Variants in PBX1 observed in about 807,000 individuals in gnomAD.
PBX1 encodes pre-B-cell leukemia transcription factor 1.
In PBX1, 6 loss-of-function variants were observed where a neutral mutation model predicts 53.4. The ratio of observed to expected loss-of-function variants is 0.11; its 90% CI spans 0.06 to 0.22. PBX1 has a LOEUF of 0.22. Ranked by LOEUF, PBX1 falls within the 10% of genes least tolerant of loss-of-function variation. The probability of loss-of-function intolerance (pLI) is 1.00; values close to 1 mark genes in which losing one functional copy is unlikely to be tolerated. For synonymous variants in PBX1, 204 were observed against 212.3 expected (o/e 0.96, Z 0.34); for missense variants, 251 against 551.4 (o/e 0.46, Z 5.46).
chr1:164,754,596 A>G (rs1286318988), intron 2 of PBX1, among the ~76,000 whole-genome samples: 1 of 152,208 alleles, frequency 6.6e-6, no homozygotes, highest in Non-Finnish European at 1.5e-5. Flanking sequence ...TGTAAGGAGA[A>G]GGGGTTACCC....
At chr1:164,883,198 T>A (rs1672702762) in intron 2 of PBX1, among the ~76,000 whole-genome samples, 1 of 152,250 alleles carries the variant, frequency 6.6e-6, no homozygotes, top group East Asian at 1.9e-4. Context: ...AGGCCATCAG[T>A]GTTCAGGTAC....
intron 2 of PBX1, among the ~76,000 whole-genome samples, chr1:164,581,468 C>T (rs957932509): frequency 2.6e-5 from 4 of 152,088 alleles, no homozygotes; most frequent in East Asian, 3.9e-4. Flanking sequence ...CCTTGTGATC[C>T]GCCTGCCTCG....
Position 164,846,881 on chromosome 1 carries a change from G to A in PBX1, c.*205G>A. On this transcript the variant is annotated 3_prime_UTR_variant, in exon 9 of 9. Transcript: ENST00000420696. ...TTATACTCTCTTCCCTTTTTTTTCT[G>A]GGTAGAAGCCACCCTTCCCTGCCTC... is the stretch of plus-strand genomic sequence containing the variant. 1 of 1,393,952 alleles carries A rather than the reference G, an allele frequency of 7.2e-7. No individual in the cohort carries two copies. Among genetic ancestry groups the A allele is most frequent in the Non-Finnish European group, 9.3e-7 (1 of 1,074,446 alleles). 86.3% of individuals were successfully genotyped at this position (1,393,952 alleles called of 1,614,324 possible). A position where few individuals can be genotyped will look rare whatever the true frequency, so the allele number is the denominator to read the frequency against.
intron 2 of PBX1, among the ~76,000 whole-genome samples, chr1:164,867,199 G>A (rs1672238554): frequency 1.3e-5 from 2 of 152,148 alleles, no homozygotes; most frequent in Admixed American, 6.5e-5. Context: ...TGAGACTTCT[G>A]AGGCTTCTTC....
intron 2 of PBX1, among the ~76,000 whole-genome samples, chr1:164,789,295 A>C (rs1302142558): frequency 6.6e-6 from 1 of 152,190 alleles, no homozygotes; most frequent in Non-Finnish European, 1.5e-5. Context: ...GACTATTTTA[A>C]AAAGATGGTG....
chr1:164,572,355 T>A (rs1469306522), intron 2 of PBX1, among the ~76,000 whole-genome samples: 1 of 152,224 alleles, frequency 6.6e-6, no homozygotes, highest in Non-Finnish European at 1.5e-5. Context: ...CTACTGTGTT[T>A]ATTGTCATGT....
At chr1:164,737,832 C>G (rs925829028) in intron 2 of PBX1, among the ~76,000 whole-genome samples, 10 of 152,230 alleles carry the variant, frequency 6.6e-5, no homozygotes, top group African/African-American at 2.4e-4. Context: ...CCAATAAAGA[C>G]AAGAGCATTC....
chr1:164,590,982 C>G (rs1189487696), intron 2 of PBX1, among the ~76,000 whole-genome samples: 1 of 151,218 alleles, frequency 6.6e-6, no homozygotes, highest in African/African-American at 2.4e-5. Flanking sequence ...GTAGCTGGGA[C>G]TACAGGCGTG....
At chr1:164,867,933 C>T (rs1012524641) in intron 2 of PBX1, among the ~76,000 whole-genome samples, 3 of 152,204 alleles carry the variant, frequency 2.0e-5, no homozygotes, top group African/African-American at 7.2e-5. Context: ...GAAAAAAAGA[C>T]CCAGCATTAT....
At chr1:164,884,678 G>A (rs1672737311) in intron 2 of PBX1, 3 of 334,836 alleles carry the variant, frequency 9.0e-6, no homozygotes, top group Non-Finnish European at 1.2e-5. Flanking sequence ...TTTTGAAGAA[G>A]CAAAAGGATA....
chr1:164,786,341 G>T (rs1036748981), intron 2 of PBX1, among the ~76,000 whole-genome samples: 6 of 152,294 alleles, frequency 3.9e-5, no homozygotes, highest in Admixed American at 3.9e-4. Context: ...GATGCCCCAT[G>T]GCTGTGGTCT....
chr1:164,763,300 A>G (rs1359236486), intron 2 of PBX1, among the ~76,000 whole-genome samples: 1 of 152,144 alleles, frequency 6.6e-6, no homozygotes, highest in Non-Finnish European at 1.5e-5. Context: ...CATCCTCGTG[A>G]TCTAAGTTGA....
intron 2 of PBX1, among the ~76,000 whole-genome samples, chr1:164,751,726 C>T (rs892716426): frequency 6.6e-6 from 1 of 151,704 alleles, no homozygotes; most frequent in Non-Finnish European, 1.5e-5. Context: ...GGGTTACAGG[C>T]GCCTGCCACC....
intron 2 of PBX1, among the ~76,000 whole-genome samples, chr1:164,628,874 C>T (rs144144767): frequency 5.8e-4 from 89 of 152,246 alleles, no homozygotes; most frequent in African/African-American, 1.9e-3. Flanking sequence ...CCCCTTACAC[C>T]GTCACATATT....
intron 2 of PBX1, among the ~76,000 whole-genome samples, chr1:164,640,121 T>C (rs1293757731): frequency 1.3e-5 from 2 of 152,144 alleles, no homozygotes; most frequent in African/African-American, 4.8e-5. Context: ...AATTGTGACA[T>C]CAGTGAATGT....
intron 2 of PBX1, among the ~76,000 whole-genome samples, chr1:164,577,561 G>A (rs182437769): frequency 7.2e-5 from 11 of 152,240 alleles, no homozygotes; most frequent in African/African-American, 1.4e-4. Context: ...TTTCTTCTTA[G>A]AAAGTTACAC....
intron 4 of PBX1, among the ~76,000 whole-genome samples, chr1:164,806,899 C>T (rs2102335158): frequency 6.6e-6 from 1 of 152,318 alleles, no homozygotes; most frequent in South Asian, 2.1e-4. Flanking sequence ...CAGTATCACC[C>T]TCTTCACTTT....
intron 8 of PBX1, among the ~76,000 whole-genome samples, chr1:164,834,689 T>A (rs1450426845): frequency 6.6e-6 from 1 of 152,206 alleles, no homozygotes; most frequent in Non-Finnish European, 1.5e-5. Flanking sequence ...TTAACACTCT[T>A]CACAGGTTAT....
At chr1:164,666,200 T>A (rs1660799662) in intron 2 of PBX1, among the ~76,000 whole-genome samples, 1 of 152,138 alleles carries the variant, frequency 6.6e-6, no homozygotes, top group Admixed American at 6.5e-5. Flanking sequence ...TCTAACATAG[T>A]GGTCTCTCCT....
Sources: gnomAD v4.1 joint callset for allele counts (sites outside exome capture counted in the v4.1 genomes callset) on GRCh38, gnomAD v4.1.1 for gene constraint, MANE v1.5 for transcripts, NCBI Gene and HGNC (gene_info 2026-07-23, HGNC 2026-07-21) for gene names.